The following PDE4D variants were observed in gnomAD, a reference collection of about 807,000 sequenced individuals.
PDE4D encodes the protein 3',5'-cyclic-AMP phosphodiesterase 4D.
Under a neutral mutation model 87.4 loss-of-function variants are expected in PDE4D, and 24 were observed. The observed-to-expected ratio is 0.27, with a 90% CI of 0.20 to 0.39. The LOEUF is 0.39. Among genes scored for constraint, PDE4D ranks in the 10% least tolerant of loss-of-function variants. The pLI, the probability that PDE4D is intolerant of heterozygous loss-of-function variation, is 1.00. For synonymous variants in PDE4D, 384 were observed against 383.2 expected (o/e 1.00, Z -0.02); for missense variants, 714 against 1,041.0 (o/e 0.69, Z 4.32).
intron 1 of PDE4D, among the ~76,000 whole-genome samples, chr5:59,320,527 C>G (rs549064439): frequency 3.1e-4 from 47 of 152,180 alleles, no homozygotes; most frequent in Non-Finnish European, 5.6e-4. Context: ...AAAGCGTGTA[C>G]TTATATTTAT....
intron 5 of PDE4D, among the ~76,000 whole-genome samples, chr5:59,122,141 C>CAAA (rs56284898): frequency 2.9e-4 from 21 of 71,588 alleles, no homozygotes; most frequent in East Asian, 1.7e-3. Flanking sequence ...GACTCTATCT[C>CAAA]AAAAAAAAAA....
chr5:59,722,002 G>A (rs1755900455), intron 1 of PDE4D, among the ~76,000 whole-genome samples: 2 of 152,138 alleles, frequency 1.3e-5, no homozygotes, highest in Non-Finnish European at 2.9e-5. Context: ...GAGGGGGTGT[G>A]CATCTTGAAT....
chr5:59,924,598 T>C (rs1209937616), intron 3 of PDE4D, among the ~76,000 whole-genome samples: 1 of 151,032 alleles, frequency 6.6e-6, no homozygotes, highest in Admixed American at 6.6e-5. Context: ...CCTCTTATTC[T>C]AGAATAGTAT....
chr5:59,280,130 G>A (rs1019461266), intron 1 of PDE4D, among the ~76,000 whole-genome samples: 6 of 151,974 alleles, frequency 3.9e-5, no homozygotes, highest in Admixed American at 6.6e-5. Flanking sequence ...AACATCATGA[G>A]TTTGTTAGCC....
chr5:59,421,717 C>CA (rs1490735747), intron 1 of PDE4D, among the ~76,000 whole-genome samples: 1 of 151,886 alleles, frequency 6.6e-6, no homozygotes, highest in African/African-American at 2.4e-5. Context: ...GAGGAGTGGT[C>CA]AGAGCTTGAG....
At chr5:60,415,279 G>A (rs1254777869) in intron 1 of PDE4D, among the ~76,000 whole-genome samples, 1 of 152,276 alleles carries the variant, frequency 6.6e-6, no homozygotes, top group Non-Finnish European at 1.5e-5. Flanking sequence ...CCTATTAAGA[G>A]GTGACAGCAT....
intron 1 of PDE4D, among the ~76,000 whole-genome samples, chr5:60,234,103 C>T (rs1476368997): frequency 6.6e-6 from 1 of 151,776 alleles, no homozygotes; most frequent in Non-Finnish European, 1.5e-5. Context: ...CAATCACTCC[C>T]TCTTGTCCCA....
At chr5:59,962,538 T>G (rs560885042) in intron 3 of PDE4D, among the ~76,000 whole-genome samples, 3 of 143,146 alleles carry the variant, frequency 2.1e-5, no homozygotes, top group African/African-American at 7.4e-5. Flanking sequence ...AATTTAAATA[T>G]TTCTCAAAAT....
At chr5:59,145,328 A>C (rs1324099627) in intron 5 of PDE4D, among the ~76,000 whole-genome samples, 1 of 152,150 alleles carries the variant, frequency 6.6e-6, no homozygotes, top group Non-Finnish European at 1.5e-5. Flanking sequence ...TGCTCTTCCG[A>C]ATCTTTCATC....
intron 2 of PDE4D, among the ~76,000 whole-genome samples, chr5:60,116,173 G>A (rs1778154736): frequency 6.6e-6 from 1 of 151,994 alleles, no homozygotes; most frequent in Non-Finnish European, 1.5e-5. Context: ...GGCAAACGAT[G>A]GATTATAGTG....
chr5:60,152,802 G>A (rs4699951), intron 2 of PDE4D, among the ~76,000 whole-genome samples: 76,168 of 151,970 alleles, frequency 0.5, 19,489 homozygotes, highest in Admixed American at 0.55. Context: ...ATCTTTGGAG[G>A]TTGTGTGTTT....
intron 2 of PDE4D, among the ~76,000 whole-genome samples, chr5:59,202,033 ATT>A (rs10641798): frequency 4.2e-5 from 4 of 95,268 alleles, no homozygotes; most frequent in African/African-American, 1.3e-4. Context: ...TGTTTTGATC[ATT>A]TTTTTTTTTT....
intron 1 of PDE4D, among the ~76,000 whole-genome samples, chr5:60,200,032 A>G (rs1393073517): frequency 6.6e-6 from 1 of 151,674 alleles, no homozygotes; most frequent in Non-Finnish European, 1.5e-5. Context: ...AGAGCACTCA[A>G]TTGGAAAATG....
At chr5:59,631,559 C>T (rs1831564142) in intron 1 of PDE4D, among the ~76,000 whole-genome samples, 3 of 152,062 alleles carry the variant, frequency 2.0e-5, no homozygotes, top group Admixed American at 1.3e-4. Flanking sequence ...GCTCATCTCA[C>T]TGGACCTGGT....
chr5:59,571,328 T>C (rs892795931), intron 1 of PDE4D, among the ~76,000 whole-genome samples: 4 of 152,230 alleles, frequency 2.6e-5, no homozygotes, highest in Admixed American at 6.5e-5. Context: ...ACTCAGGTAC[T>C]GAAAGGTCAT....
At chr5:59,248,653 T>A (rs1759344144) in intron 1 of PDE4D, among the ~76,000 whole-genome samples, 1 of 151,464 alleles carries the variant, frequency 6.6e-6, no homozygotes, top group Non-Finnish European at 1.5e-5. Context: ...TCTCAATGGG[T>A]TGCACCAGAG....
At chr5:60,265,651 G>A (rs949156788) in intron 1 of PDE4D, among the ~76,000 whole-genome samples, 1 of 152,062 alleles carries the variant, frequency 6.6e-6, no homozygotes, top group African/African-American at 2.4e-5. Flanking sequence ...GCCTTAGCTG[G>A]TGGGACCCTA....
At chr5:58,983,130 T>C (rs945678324) in intron 11 of PDE4D, among the ~76,000 whole-genome samples, 4 of 152,132 alleles carry the variant, frequency 2.6e-5, no homozygotes, top group African/African-American at 7.2e-5. Context: ...CTGGAAAGAC[T>C]CCCCTTCACC....
At chr5:59,856,954 A>G (rs1745533687) in intron 1 of PDE4D, among the ~76,000 whole-genome samples, 1 of 152,192 alleles carries the variant, frequency 6.6e-6, no homozygotes. Context: ...GGCCCTAAGC[A>G]TCACAGATTT....
Sources: gnomAD v4.1 joint callset for allele counts (sites outside exome capture counted in the v4.1 genomes callset) on GRCh38, gnomAD v4.1.1 for gene constraint, MANE v1.5 for transcripts, NCBI Gene and HGNC (gene_info 2026-07-23, HGNC 2026-07-21) for gene names.